The following PPARGC1A variants were observed in gnomAD, a reference collection of about 807,000 sequenced individuals.
The protein encoded by PPARGC1A is PPARG coactivator 1 alpha.
A neutral mutation model predicts 88.7 loss-of-function variants in PPARGC1A; 25 were observed. The ratio of observed to expected loss-of-function variants is 0.28; its 90% confidence interval spans 0.21 to 0.39. The LOEUF (loss-of-function observed/expected upper bound fraction) is 0.39, where lower values mean the gene tolerates loss of function less well. PPARGC1A is among the 10% of genes least tolerant of loss of function. The pLI is 1.00. For synonymous variants in PPARGC1A, 363 were observed against 355.6 expected, an observed-to-expected ratio of 1.02 and a Z score of -0.24; for missense variants, 880 against 968.7, an observed-to-expected ratio of 0.91 and a Z score of 1.22.
intron 2 of PPARGC1A, among the ~76,000 whole-genome samples, chr4:23,849,743 T>C (rs1728943082): frequency 6.6e-6 from 1 of 152,098 alleles, no homozygotes; most frequent in Admixed American, 6.5e-5. Context: ...TCTTTGAAGG[T>C]CATAGTCTTG....
the PPARGC1A span, among the ~76,000 whole-genome samples, chr4:24,099,287 C>CAAAA: frequency 0.012 from 781 of 66,910 alleles, 9 homozygotes; most frequent in African/African-American, 0.035. Flanking sequence ...CTCCCTCCTG[C>CAAAA]AAAAAAAAAA....
chr4:23,802,399 G>A (rs1196147258), intron 10 of PPARGC1A, 54 bp from the exon 11 acceptor site: 2 of 1,609,146 alleles, frequency 1.2e-6, no homozygotes, highest in Non-Finnish European at 1.7e-6. Context: ...CTAGCCCTCG[G>A]CCGGGCACAG....
chr4:24,200,387 G>A, the PPARGC1A span, among the ~76,000 whole-genome samples: 1,503 of 151,834 alleles, frequency 9.9e-3, 22 homozygotes, highest in African/African-American at 0.034. Context: ...GGTGGACACC[G>A]GTAATCCCAG....
At chr4:24,471,784 G>T in the PPARGC1A span, among the ~76,000 whole-genome samples, 2 of 152,254 alleles carry the variant, frequency 1.3e-5, no homozygotes, top group African/African-American at 4.8e-5. The surrounding 1 kb of genome is among the most constrained non-coding windows in gnomAD (Gnocchi z 5.4). Flanking sequence ...TGTGCCCCAG[G>T]GGAGGCGCGG....
the PPARGC1A span, among the ~76,000 whole-genome samples, chr4:23,977,288 G>A: frequency 6.6e-6 from 1 of 152,110 alleles, no homozygotes; most frequent in Admixed American, 6.6e-5. Context: ...CTCTGCATGT[G>A]CACTAAAACC....
chr4:23,898,082 T>C (rs544052145), intron 1 of PPARGC1A, among the ~76,000 whole-genome samples: 2 of 152,298 alleles, frequency 1.3e-5, no homozygotes, highest in South Asian at 4.1e-4. Context: ...GAGCTTAAAA[T>C]AACATCCTTT....
At chr4:23,981,145 C>T in the PPARGC1A span, among the ~76,000 whole-genome samples, 1 of 151,872 alleles carries the variant, frequency 6.6e-6, no homozygotes. Flanking sequence ...TTTGATCTTC[C>T]CAATATCCTT....
At chr4:24,093,800 C>G in the PPARGC1A span, among the ~76,000 whole-genome samples, 1 of 152,160 alleles carries the variant, frequency 6.6e-6, no homozygotes, top group East Asian at 1.9e-4. Context: ...ATTATCAGCT[C>G]CATTATTTTC....
the PPARGC1A span, among the ~76,000 whole-genome samples, chr4:24,269,737 G>C: frequency 6.6e-6 from 1 of 152,022 alleles, no homozygotes; most frequent in South Asian, 2.1e-4. Context: ...GTCTCCTGCT[G>C]ACAATCACAA....
At chr4:24,317,587 A>AAAAAAAAAAAAACAAAAAAAAAC in the PPARGC1A span, among the ~76,000 whole-genome samples, 1 of 139,756 alleles carries the variant, frequency 7.2e-6, no homozygotes, top group Non-Finnish European at 1.5e-5. Context: ...AAAAAAAAAA[A>AAAAAAAAAAAAACAAAAAAAAAC]AAAAAAAAAC....
chr4:24,356,192 G>A, the PPARGC1A span, among the ~76,000 whole-genome samples: 4 of 145,480 alleles, frequency 2.7e-5, no homozygotes, highest in Non-Finnish European at 4.5e-5. Flanking sequence ...GCAAGACTCC[G>A]TCTCAAACAA....
the PPARGC1A span, among the ~76,000 whole-genome samples, chr4:24,289,971 C>A: frequency 6.6e-6 from 1 of 152,150 alleles, no homozygotes; most frequent in African/African-American, 2.4e-5. Flanking sequence ...TGATGAGGAG[C>A]AAAGTCACAT....
chr4:24,079,699 CTT>C, the PPARGC1A span, among the ~76,000 whole-genome samples: 1 of 151,976 alleles, frequency 6.6e-6, no homozygotes, highest in Non-Finnish European at 1.5e-5. Context: ...ACTTTCTCCT[CTT>C]TAAAATATGT....
chr4:23,994,800 G>T, the PPARGC1A span, among the ~76,000 whole-genome samples: 1 of 152,146 alleles, frequency 6.6e-6, no homozygotes, highest in Non-Finnish European at 1.5e-5. Flanking sequence ...TATCAGAAAT[G>T]ACAGTGACTA....
At chr4:24,203,443 G>A in the PPARGC1A span, among the ~76,000 whole-genome samples, 1 of 152,214 alleles carries the variant, frequency 6.6e-6, no homozygotes, top group Non-Finnish European at 1.5e-5. Context: ...GGAGGCTGAG[G>A]CAGGAGAATT....
chr4:24,076,752 C>G, the PPARGC1A span, among the ~76,000 whole-genome samples: 3,133 of 152,140 alleles, frequency 0.021, 122 homozygotes, highest in African/African-American at 0.067. Context: ...TACCTAGTGA[C>G]GTTTGAATAT....
chr4:23,937,307 A>G, the PPARGC1A span, among the ~76,000 whole-genome samples: 1 of 152,094 alleles, frequency 6.6e-6, no homozygotes, highest in Non-Finnish European at 1.5e-5. Context: ...TAATCTTCAA[A>G]ATATCCCCAT....
chr4:24,283,034 C>T, the PPARGC1A span, among the ~76,000 whole-genome samples: 6 of 152,138 alleles, frequency 3.9e-5, no homozygotes, highest in African/African-American at 1.4e-4. Flanking sequence ...GTGCTCCTTA[C>T]AAACCAACTC....
the PPARGC1A span, among the ~76,000 whole-genome samples, chr4:24,035,369 G>A: frequency 2.1e-4 from 32 of 151,712 alleles, no homozygotes; most frequent in South Asian, 1.0e-3. Context: ...GTTAAACCCC[G>A]TCTCTACTAA....
Sources: allele counts gnomAD v4.1 joint callset (sites outside exome capture counted in the v4.1 genomes callset), GRCh38; gene constraint gnomAD v4.1.1; non-coding constraint Gnocchi (gnomAD v3.1); transcripts MANE v1.5; gene names NCBI Gene and HGNC (gene_info 2026-07-23, HGNC 2026-07-21).